The following ARHGAP32 variants were observed in gnomAD, a reference collection of about 807,000 sequenced individuals.
ARHGAP32 encodes the protein rho GTPase-activating protein 32.
ARHGAP32 carries 51 observed loss-of-function variants against 186.5 expected under a neutral mutation model. The ratio of observed to expected loss-of-function variants is 0.27; its 90% CI spans 0.22 to 0.35. The LOEUF (loss-of-function observed/expected upper bound fraction) is 0.35. Ranked by LOEUF, ARHGAP32 falls within the 10% of genes least tolerant of loss-of-function variation. The probability of loss-of-function intolerance (pLI) is 1.00; values close to 1 mark genes in which losing one functional copy is unlikely to be tolerated. For missense variants in ARHGAP32, 2,186 were observed against 2,623.5 expected (o/e 0.83, Z 3.64); for synonymous variants, 950 against 964.3 (o/e 0.99, Z 0.27).
intron 10 of ARHGAP32, among the ~76,000 whole-genome samples, chr11:129,058,186 TATACAC>T (rs1435677088): frequency 2.1e-5 from 2 of 96,518 alleles, no homozygotes; most frequent in Non-Finnish European, 4.1e-5. Flanking sequence ...GAAAAAAAAA[TATACAC>T]ACACACACAC....
intron 11 of ARHGAP32, among the ~76,000 whole-genome samples, chr11:129,036,459 G>C (rs1939346025): frequency 6.7e-6 from 1 of 149,574 alleles, no homozygotes; most frequent in Admixed American, 6.6e-5. Flanking sequence ...GCCAATATTA[G>C]GCTAAGTTTT....
chr11:129,230,420 C>T (rs1944842626), intron 1 of ARHGAP32, among the ~76,000 whole-genome samples: 1 of 152,110 alleles, frequency 6.6e-6, no homozygotes, highest in Non-Finnish European at 1.5e-5. Flanking sequence ...TCCCTAATCT[C>T]TCTCATTTGA....
At chr11:129,129,483 G>A (rs1013115611) in intron 2 of ARHGAP32, among the ~76,000 whole-genome samples, 5 of 152,122 alleles carry the variant, frequency 3.3e-5, no homozygotes, top group Non-Finnish European at 7.4e-5. Flanking sequence ...CGGCCGCCCC[G>A]TCTGGGAAGT....
intron 12 of ARHGAP32, among the ~76,000 whole-genome samples, chr11:128,993,726 C>G (rs530636701): frequency 1.1e-4 from 17 of 149,272 alleles, no homozygotes; most frequent in African/African-American, 3.9e-4. Flanking sequence ...GGGTCTCATT[C>G]TGTTGCCTAG....
intron 11 of ARHGAP32, among the ~76,000 whole-genome samples, chr11:129,038,000 C>T (rs2135006066): frequency 6.6e-6 from 1 of 151,896 alleles, no homozygotes; most frequent in East Asian, 1.9e-4. Flanking sequence ...ACTCCGGAGG[C>T]TGAGGCAAGA....
rs1233329637 is a variant in ARHGAP32 at position 129,185,842 on chromosome 11, C to A, written c.116+6241G>T. 3.3e-5 allele frequency among the ~76,000 whole-genome samples: 5 copies of A among 151,778 alleles called. No individual in the cohort carries two copies. In the East Asian group the frequency reaches 9.7e-4, roughly 29 times the overall value. On this transcript the variant is annotated intron_variant, in intron 1 of 22. Coordinates refer to ENST00000682385, the MANE Select transcript of ARHGAP32 (RefSeq NM_001378024.1). Reference sequence around the variant, plus strand: ...ATACACAGAAAGAGAGAGAGAAAACCTGGGTGAAAGAAATCATTTTATTTT... The same window carrying A: ...ATACACAGAAAGAGAGAGAGAAAACATGGGTGAAAGAAATCATTTTATTTT...
chr11:129,273,293 C>T (rs1160879081), intron 1 of ARHGAP32, among the ~76,000 whole-genome samples: 2 of 152,196 alleles, frequency 1.3e-5, no homozygotes, highest in African/African-American at 4.8e-5. Flanking sequence ...CACAGATGTA[C>T]TCAGTGGATA....
intron 1 of ARHGAP32, among the ~76,000 whole-genome samples, chr11:129,278,232 T>G (rs564413876): frequency 6.6e-6 from 1 of 152,272 alleles, no homozygotes; most frequent in Non-Finnish European, 1.5e-5. Context: ...ATGGCCCAGC[T>G]GCCAGCTAGC....
chr11:129,273,113 T>C (rs1396163527), intron 1 of ARHGAP32, among the ~76,000 whole-genome samples: 1 of 152,192 alleles, frequency 6.6e-6, no homozygotes, highest in African/African-American at 2.4e-5. Context: ...CAATAGTACA[T>C]CACAAGTCCT....
intron 5 of ARHGAP32, among the ~76,000 whole-genome samples, chr11:129,104,960 C>T (rs1942009003): frequency 6.6e-6 from 1 of 152,176 alleles, no homozygotes; most frequent in Non-Finnish European, 1.5e-5. Context: ...CCAACCCTCA[C>T]CGGGCCTGAA....
rs1263921919 is a variant in ARHGAP32 at position 129,067,286 on chromosome 11, T to C, written c.532-418A>G. 2.0e-5 allele frequency among the ~76,000 whole-genome samples: 3 copies of C among 152,080 alleles called. 1 individual carries two copies. The highest frequency in any genetic ancestry group is 4.4e-5 in the Non-Finnish European group (3 of 67,972). ...CATTTTCTGTGACTGAGATCGGAAA[T>C]ATACTAAAAAACCAAAACTACTGAA... On this transcript the variant is annotated intron_variant, in intron 6 of 22. Coordinates refer to ENST00000682385, the MANE Select transcript of ARHGAP32 (RefSeq NM_001378024.1).
At chr11:129,111,906 C>T (rs1211028608) in intron 5 of ARHGAP32, among the ~76,000 whole-genome samples, 1 of 151,946 alleles carries the variant, frequency 6.6e-6, no homozygotes, top group Non-Finnish European at 1.5e-5. Context: ...GGGACTATGG[C>T]ACATACCGTT....
intron 5 of ARHGAP32, among the ~76,000 whole-genome samples, chr11:129,112,872 A>C (rs566998425): frequency 6.6e-6 from 1 of 152,194 alleles, no homozygotes; most frequent in African/African-American, 2.4e-5. Flanking sequence ...ACCGACATAA[A>C]AGCTGCATTT....
chr11:129,032,256 C>T (rs1939145624), intron 11 of ARHGAP32, among the ~76,000 whole-genome samples: 1 of 152,226 alleles, frequency 6.6e-6, no homozygotes, highest in South Asian at 2.1e-4. Flanking sequence ...CTTCTAGATG[C>T]TGCCATGGGC....
intron 6 of ARHGAP32, 100 bp from the exon 7 acceptor site, chr11:129,066,968 T>C (rs10488728): frequency 0.31 from 317,419 of 1,035,092 alleles, 50,251 homozygotes; most frequent in Middle Eastern, 0.41. Flanking sequence ...TGAGATTTTA[T>C]ATTTTCTAAT....
intron 2 of ARHGAP32, among the ~76,000 whole-genome samples, chr11:129,132,730 T>G (rs1162587557): frequency 6.6e-6 from 1 of 152,194 alleles, no homozygotes; most frequent in East Asian, 1.9e-4. Flanking sequence ...TATGAGCTAT[T>G]TCCATAGGAA....
chr11:129,054,930 C>T (rs569110519), intron 10 of ARHGAP32, among the ~76,000 whole-genome samples: 7 of 152,342 alleles, frequency 4.6e-5, no homozygotes, highest in Non-Finnish European at 7.4e-5. Context: ...TCTGTTCCCA[C>T]GGCTAAATTA....
chr11:129,028,653 G>C (rs1265165166), intron 11 of ARHGAP32, among the ~76,000 whole-genome samples: 2 of 152,210 alleles, frequency 1.3e-5, no homozygotes, highest in African/African-American at 2.4e-5. Flanking sequence ...AGATGAAGAT[G>C]AATGACATGT....
At chr11:129,199,989 G>T (rs1425040372) in intron 1 of ARHGAP32, among the ~76,000 whole-genome samples, 1 of 152,198 alleles carries the variant, frequency 6.6e-6, no homozygotes, top group African/African-American at 2.4e-5. Flanking sequence ...AGATCATTTT[G>T]GAGCTTTAAG....
Sources: gnomAD v4.1 joint callset for allele counts (sites outside exome capture counted in the v4.1 genomes callset) on GRCh38, gnomAD v4.1.1 for gene constraint, MANE v1.5 for transcripts, NCBI Gene and HGNC (gene_info 2026-07-23, HGNC 2026-07-21) for gene names.